Variants in ZNF366 observed in about 807,000 individuals in gnomAD.
The protein encoded by ZNF366 is dendritic cell-specific transcript protein.
A neutral mutation model predicts 47.2 loss-of-function variants in ZNF366; 20 were observed. That is an observed-to-expected ratio of 0.42 (90% CI 0.30 to 0.62). The LOEUF is 0.62. ZNF366 is among the 20% of genes least tolerant of loss of function. The pLI is 0.16. For synonymous variants in ZNF366, 421 were observed against 395.1 expected (o/e 1.07, Z -0.78); for missense variants, 987 against 976.3 (o/e 1.01, Z -0.15).
chr5:72,505,713 G>A lies in ZNF366; in HGVS notation c.-15+1538C>T, dbSNP rs140962343. ...GAGCAAGTCAAGATCGCAGACCTGC[G>A]TTTTCTTCTGGGGCCACAGTTGCTG... is the stretch of plus-strand genomic sequence containing the variant. On this transcript the variant is annotated intron_variant, in intron 1 of 4. Transcript: ENST00000318442. Among the ~76,000 whole-genome samples the A allele has an allele frequency of 3.7e-3, 564 of 152,286 alleles. 5 individuals are homozygous for A. Among genetic ancestry groups the A allele is most frequent in the African/African-American group, 0.013 (542 of 41,544 alleles).
chr5:72,462,507 T>TTTTCTTTCTTTCTTTCTTTATTTC (rs1743336406), intron 1 of ZNF366, among the ~76,000 whole-genome samples: 1 of 82,462 alleles, frequency 1.2e-5, no homozygotes, highest in East Asian at 5.9e-4. Flanking sequence ...TCCTTGCCAG[T>TTTTCTTTCTTTCTTTCTTTATTTC]TTTCTTTCTT....
At chr5:72,448,408 C>T (rs1361589032) in intron 3 of ZNF366, among the ~76,000 whole-genome samples, 1 of 152,186 alleles carries the variant, frequency 6.6e-6, no homozygotes, top group African/African-American at 2.4e-5. Context: ...TTTGTATATG[C>T]AGAAAGCGCA....
At chr5:72,492,212 T>C (rs1215312908) in intron 1 of ZNF366, among the ~76,000 whole-genome samples, 1 of 152,220 alleles carries the variant, frequency 6.6e-6, no homozygotes, top group African/African-American at 2.4e-5. Flanking sequence ...GGCCAGTGAA[T>C]ATAGGTGACA....
chr5:72,459,340 G>A (rs1166357965), intron 2 of ZNF366, among the ~76,000 whole-genome samples: 1 of 152,166 alleles, frequency 6.6e-6, no homozygotes, highest in African/African-American at 2.4e-5. Context: ...GAGTCAGTGG[G>A]GGCAAAACTC....
At chr5:72,466,804 T>C (rs1006717009) in intron 1 of ZNF366, among the ~76,000 whole-genome samples, 3 of 152,344 alleles carry the variant, frequency 2.0e-5, no homozygotes, top group African/African-American at 7.2e-5. Context: ...GAAAAGAACT[T>C]GATACACACG....
chr5:72,463,467 G>A (rs1029867345), intron 1 of ZNF366, among the ~76,000 whole-genome samples: 1 of 152,204 alleles, frequency 6.6e-6, no homozygotes, highest in Non-Finnish European at 1.5e-5. Context: ...TCTTACCGTG[G>A]GTTTGGGGCT....
chr5:72,485,278 T>A (rs1397373267), intron 1 of ZNF366, among the ~76,000 whole-genome samples: 1 of 152,226 alleles, frequency 6.6e-6, no homozygotes, highest in African/African-American at 2.4e-5. Context: ...CTCCATGAGG[T>A]CAGGGATCCT....
At chr5:72,463,020 G>A (rs1743358741) in intron 1 of ZNF366, among the ~76,000 whole-genome samples, 1 of 152,238 alleles carries the variant, frequency 6.6e-6, no homozygotes, top group Admixed American at 6.5e-5. Context: ...CAGGTGTAAG[G>A]TCTGATGTAG....
chr5:72,459,619 G>A (rs1743260533), intron 2 of ZNF366, among the ~76,000 whole-genome samples: 1 of 152,234 alleles, frequency 6.6e-6, no homozygotes, highest in African/African-American at 2.4e-5. Context: ...CCAACGCAGG[G>A]AGGTATAGGC....
At chr5:72,450,955 C>G (rs9293308) in intron 3 of ZNF366, among the ~76,000 whole-genome samples, 130,503 of 152,220 alleles carry the variant, frequency 0.86, 56,112 homozygotes, top group East Asian at 0.97. Context: ...AATTGTCACA[C>G]TAGGGGATGG....
chr5:72,469,400 C>T (rs1044692514), intron 1 of ZNF366, among the ~76,000 whole-genome samples: 3 of 152,014 alleles, frequency 2.0e-5, no homozygotes, highest in Non-Finnish European at 2.9e-5. Flanking sequence ...TTCTGCACGT[C>T]GATATTAAAA....
At chr5:72,454,809 G>A (rs1401380306) in intron 3 of ZNF366, among the ~76,000 whole-genome samples, 1 of 152,162 alleles carries the variant, frequency 6.6e-6, no homozygotes, top group Non-Finnish European at 1.5e-5. Context: ...GAAGTGCTCT[G>A]GGGGCTCAGT....
Position 72,460,268 on chromosome 5 carries a change from T to C in ZNF366, c.1229A>G (p.Asn410Ser), listed in dbSNP as rs750290012. ...GATGTCCTTGTGCTTCATCATGTGG[T>C]TCTGCAGCTGGCTCGGGTACTGGAA... ...KTFQYPSQLQ[N>S]HMMKHKDIRP... The change falls in exon 2 of 5, where the codon AAC (asparagine) becomes AGC (serine). Residue 410 changes from asparagine (N) to serine (S), a missense_variant. By Grantham distance (46) the Asn-to-Ser change is conservative. Around this residue, in one of 3 missense-constraint regions of ZNF366, gnomAD observed 591 missense variants for 560.9 expected, o/e 1.05. Coordinates refer to ENST00000318442, the MANE Select transcript of ZNF366 (RefSeq NM_152625.3). 7.4e-6 allele frequency: 12 copies of C among 1,614,080 alleles called. No individual in the cohort carries two copies. The Admixed American group carries it at 2.0e-4, about 27-fold the overall frequency.
At chr5:72,447,461 GAAGCCCCATCC>G (rs1742983076) in intron 3 of ZNF366, 44 bp from the exon 4 acceptor site, 1 of 1,607,230 alleles carries the variant, frequency 6.2e-7, no homozygotes, top group African/African-American at 1.3e-5. Context: ...CTGCCCGAGT[GAAGCCCCATCC>G]AGGCCCCTGG....
In ZNF366 at chr5:72,443,791, T is replaced by A; in HGVS notation, c.2200A>T (p.Lys734Ter). 1 of 1,613,830 alleles carries A rather than the reference T, an allele frequency of 6.2e-7. No individual in the cohort carries two copies. The highest frequency in any genetic ancestry group is 8.5e-7 in the Non-Finnish European group (1 of 1,179,934). Reference sequence around the variant, plus strand: ...AAAAGCACTGCTTGTTTTTCCATTTTCCTCTCCAGTAATTCTTTCAAACTC... The same window carrying A: ...AAAAGCACTGCTTGTTTTTCCATTTACCTCTCCAGTAATTCTTTCAAACTC... The part of the protein sequence containing the change: ...DESLKELLER[K>*]MEKQAVLLGI The change falls in exon 5 of 5, where the codon AAA becomes TAA. Residue 734 changes from lysine to a stop codon, truncating the protein, a stop_gained. Transcript: ENST00000318442. LOFTEE classifies it high-confidence loss of function.
At chr5:72,477,171 T>C (rs1743691718) in intron 1 of ZNF366, among the ~76,000 whole-genome samples, 1 of 152,232 alleles carries the variant, frequency 6.6e-6, no homozygotes, top group Admixed American at 6.5e-5. Flanking sequence ...CCCTTGTACT[T>C]TGATTGATGG....
At chr5:72,506,191 TA>T (rs1321429722) in intron 1 of ZNF366, among the ~76,000 whole-genome samples, 1 of 152,264 alleles carries the variant, frequency 6.6e-6, no homozygotes, top group Non-Finnish European at 1.5e-5. Flanking sequence ...TGAATATTTT[TA>T]AAAAGTATGC....
In ZNF366 at chr5:72,475,567, C is replaced by T. The variant is rs189421021; in HGVS notation, c.-14-14057G>A. On this transcript the variant is annotated intron_variant, in intron 1 of 4. Transcript: ENST00000318442. ...TTCATTCAATGAGACCATTATCTTG[C>T]AGAGGGCCTGTACAGAATAAGTGAG... Among the ~76,000 whole-genome samples the T allele has an allele frequency of 5.9e-5, 9 of 152,300 alleles. No homozygotes were observed. The East Asian group carries it at 1.7e-3, about 29-fold the overall frequency.
At chr5:72,504,782 T>C (rs936059612) in intron 1 of ZNF366, among the ~76,000 whole-genome samples, 1 of 152,048 alleles carries the variant, frequency 6.6e-6, no homozygotes, top group South Asian at 2.1e-4. Context: ...CTGACACTGA[T>C]TGACTCCTAC....
Sources: allele counts gnomAD v4.1 joint callset (sites outside exome capture counted in the v4.1 genomes callset), GRCh38; gene constraint gnomAD v4.1.1; regional missense constraint gnomAD v4.1.1; transcripts MANE v1.5; gene names NCBI Gene and HGNC (gene_info 2026-07-23, HGNC 2026-07-21).